The following REDIC1 variants were observed in gnomAD, a reference collection of about 807,000 sequenced individuals.
REDIC1 encodes the protein HEI10 Interacting Protein 1.
chr12:39,798,989 T>C, the REDIC1 span, among the ~76,000 whole-genome samples: 3 of 151,606 alleles, frequency 2.0e-5, no homozygotes, highest in Non-Finnish European at 2.9e-5. Context: ...GTGTTGCTTG[T>C]TTTGAACAAT....
At chr12:39,866,721 C>T in the REDIC1 span, among the ~76,000 whole-genome samples, 2 of 152,250 alleles carry the variant, frequency 1.3e-5, no homozygotes, top group Non-Finnish European at 2.9e-5. Flanking sequence ...CCTCGTGATC[C>T]GCCAGCCTCG....
the REDIC1 span, among the ~76,000 whole-genome samples, chr12:39,663,143 T>G: frequency 1.3e-5 from 2 of 152,114 alleles, no homozygotes; most frequent in Non-Finnish European, 2.9e-5. Flanking sequence ...ATATAATGAG[T>G]TAGGAAGATT....
chr12:39,829,922 C>G, the REDIC1 span: 1 of 769,036 alleles, frequency 1.3e-6, no homozygotes, highest in Non-Finnish European at 2.1e-6. Flanking sequence ...GCTTTCTACT[C>G]TGTGTGAAAC....
At chr12:39,753,639 T>C in the REDIC1 span, among the ~76,000 whole-genome samples, 1 of 152,176 alleles carries the variant, frequency 6.6e-6, no homozygotes, top group Non-Finnish European at 1.5e-5. Context: ...GTAGTTGTTC[T>C]CAGGAAAGGA....
chr12:39,850,017 G>A, the REDIC1 span, among the ~76,000 whole-genome samples: 1 of 151,916 alleles, frequency 6.6e-6, no homozygotes, highest in African/African-American at 2.4e-5. Flanking sequence ...TCTTGAAAAG[G>A]CAACTCAAAT....
chr12:39,868,078 T>C, the REDIC1 span, among the ~76,000 whole-genome samples: 1 of 152,224 alleles, frequency 6.6e-6, no homozygotes, highest in African/African-American at 2.4e-5. Context: ...GTTTTATCAG[T>C]CCCTTGTTAG....
chr12:39,730,191 T>C, the REDIC1 span, among the ~76,000 whole-genome samples: 3 of 152,208 alleles, frequency 2.0e-5, no homozygotes, highest in African/African-American at 7.2e-5. Flanking sequence ...GTGAATTTGA[T>C]CCTGTCATTA....
chr12:39,758,773 CAG>C, the REDIC1 span: 1 of 151,392 alleles, frequency 6.6e-6, no homozygotes, highest in Non-Finnish European at 1.5e-5. Context: ...AAGAAAAACA[CAG>C]AGACAAATCT....
chr12:39,829,895 A>G, the REDIC1 span: 1 of 617,954 alleles, frequency 1.6e-6, no homozygotes, highest in Non-Finnish European at 2.7e-6. Flanking sequence ...TGGGTCTCCA[A>G]AAGTCTAGGC....
At chr12:39,743,381 A>G in the REDIC1 span, among the ~76,000 whole-genome samples, 5,136 of 152,152 alleles carry the variant, frequency 0.034, 306 homozygotes, top group African/African-American at 0.12. Context: ...CTCCCCTCAT[A>G]CCTTACCACC....
the REDIC1 span, among the ~76,000 whole-genome samples, chr12:39,901,822 C>T: frequency 4.1e-5 from 6 of 144,856 alleles, no homozygotes; most frequent in African/African-American, 1.5e-4. Context: ...TACCATTTGA[C>T]CCAGCCATCC....
At chr12:39,714,047 A>ATG in the REDIC1 span, among the ~76,000 whole-genome samples, 5 of 9,226 alleles carry the variant, frequency 5.4e-4, no homozygotes, top group East Asian at 1.3e-3. Flanking sequence ...GTATATACAC[A>ATG]TGTATATACA....
the REDIC1 span, among the ~76,000 whole-genome samples, chr12:39,772,045 A>G: frequency 6.6e-6 from 1 of 151,992 alleles, no homozygotes; most frequent in Admixed American, 6.6e-5. Context: ...CCTGTCCGAG[A>G]TATTCTCTCC....
the REDIC1 span, among the ~76,000 whole-genome samples, chr12:39,711,769 G>A: frequency 0.085 from 9,609 of 112,644 alleles, 875 homozygotes; most frequent in African/African-American, 0.12. Flanking sequence ...GTATGTGTGT[G>A]TGCACATGCA....
At chr12:39,698,121 C>T in the REDIC1 span, among the ~76,000 whole-genome samples, 1 of 152,062 alleles carries the variant, frequency 6.6e-6, no homozygotes, top group African/African-American at 2.4e-5. Context: ...GTATATTAGA[C>T]AAATTTCAAG....
the REDIC1 span, among the ~76,000 whole-genome samples, chr12:39,740,596 G>A: frequency 6.6e-6 from 1 of 152,048 alleles, no homozygotes; most frequent in African/African-American, 2.4e-5. Context: ...TCACTTGCAA[G>A]GATAATTTGT....
the REDIC1 span, among the ~76,000 whole-genome samples, chr12:39,826,606 AAAAAT>A: frequency 6.6e-6 from 1 of 151,532 alleles, no homozygotes; most frequent in Non-Finnish European, 1.5e-5. Flanking sequence ...CTTTCTGAAA[AAAAAT>A]AAAAAGCAGA....
the REDIC1 span, among the ~76,000 whole-genome samples, chr12:39,679,917 G>C: frequency 6.6e-6 from 1 of 152,116 alleles, no homozygotes; most frequent in Non-Finnish European, 1.5e-5. Context: ...AACAAATGGT[G>C]CTGGGATAGT....
chr12:39,865,094 T>C, the REDIC1 span, among the ~76,000 whole-genome samples: 1 of 152,200 alleles, frequency 6.6e-6, no homozygotes, highest in African/African-American at 2.4e-5. Flanking sequence ...TTGTGAGACA[T>C]GATGAGAGTG....
Sources: gnomAD v4.1 joint callset for allele counts (sites outside exome capture counted in the v4.1 genomes callset) on GRCh38, gnomAD v4.1.1 for gene constraint, MANE v1.5 for transcripts, NCBI Gene and HGNC (gene_info 2026-07-23, HGNC 2026-07-21) for gene names.